The following DPY19L1 variants were observed in gnomAD, a reference collection of about 807,000 sequenced individuals.
DPY19L1 encodes the protein dpy-19 like C-mannosyltransferase 1, also known as protein C-mannosyl-transferase DPY19L1.
In DPY19L1, 35 loss-of-function variants were observed where a neutral mutation model predicts 96.9. The observed-to-expected ratio is 0.36, with a 90% CI of 0.28 to 0.48. The LOEUF is 0.48. DPY19L1 is among the 20% of genes least tolerant of loss of function. The pLI is 0.99. For missense variants in DPY19L1, 521 were observed against 777.9 expected (o/e 0.67, Z 3.93); for synonymous variants, 205 against 252.6 (o/e 0.81, Z 1.79).
At chr7:35,021,722 G>A (rs1785998716) in intron 1 of DPY19L1, among the ~76,000 whole-genome samples, 1 of 152,132 alleles carries the variant, frequency 6.6e-6, no homozygotes, top group Admixed American at 6.5e-5. Context: ...CAGGAATTCT[G>A]CCCTGCACTG....
chr7:34,953,089 G>A (rs988773284), intron 13 of DPY19L1, among the ~76,000 whole-genome samples: 9 of 152,010 alleles, frequency 5.9e-5, no homozygotes, highest in South Asian at 2.1e-4. Context: ...GATTTGGGGC[G>A]GACAGCTAAA....
Position 35,013,415 on chromosome 7 carries a change from C to G in DPY19L1, c.549+153G>C, listed in dbSNP as rs192353756. ...CCCTCTCCTCAAAATCAGTAATGAT[C>G]TTTTTTACATATTCCTCCACAAGAT... On this transcript the variant is annotated intron_variant, in intron 4 of 21. Coordinates refer to ENST00000638088, the MANE Select transcript of DPY19L1 (RefSeq NM_001366673.1). Among the ~76,000 whole-genome samples, 1,258 of 152,186 alleles carry G rather than the reference C, an allele frequency of 8.3e-3. 22 individuals are homozygous for G. Among genetic ancestry groups the G allele is most frequent in the African/African-American group, 0.029 (1,216 of 41,518 alleles).
At chr7:34,937,923 A>C in intron 21 of DPY19L1, 71 bp downstream of exon 21, 1 of 1,519,432 alleles carries the variant, frequency 6.6e-7, no homozygotes, top group Non-Finnish European at 9.0e-7. Context: ...CCACCAGCAA[A>C]GCATGTGCCA....
chr7:34,943,439 C>A (rs1342163525), intron 16 of DPY19L1, among the ~76,000 whole-genome samples: 1 of 152,204 alleles, frequency 6.6e-6, no homozygotes, highest in Non-Finnish European at 1.5e-5. Flanking sequence ...TAGTAAGTGG[C>A]AGCCAGGACT....
intron 6 of DPY19L1, among the ~76,000 whole-genome samples, chr7:35,004,939 C>T (rs1785517076): frequency 6.6e-6 from 1 of 152,058 alleles, no homozygotes; most frequent in Admixed American, 6.5e-5. Context: ...CACTCACTGC[C>T]CACTGTTTTC....
intron 7 of DPY19L1, among the ~76,000 whole-genome samples, chr7:34,977,982 A>C (rs180856248): frequency 0.013 from 1,947 of 152,244 alleles, 11 homozygotes; most frequent in Middle Eastern, 0.021. Flanking sequence ...TACTGTGTAG[A>C]TATTAATAGG....
chr7:34,941,149 G>C (rs1228324176), intron 18 of DPY19L1, among the ~76,000 whole-genome samples: 1 of 152,170 alleles, frequency 6.6e-6, no homozygotes, highest in African/African-American at 2.4e-5. Context: ...AGAGTGCGCA[G>C]TGTAGGTGCT....
chr7:34,992,901 T>A (rs1562819465), intron 6 of DPY19L1, among the ~76,000 whole-genome samples: 1 of 152,156 alleles, frequency 6.6e-6, no homozygotes, highest in Non-Finnish European at 1.5e-5. Flanking sequence ...ATGAATAATG[T>A]TGTATTCCTG....
Position 34,938,181 on chromosome 7 carries a change from G to C in DPY19L1, c.1965-62C>G, listed in dbSNP as rs1235585479. Reference sequence around the variant, plus strand: ...ACTAAAACGATACAATAACACATTTGGAAGAAAGCACTGAATTAGACTAGA... The same window carrying C: ...ACTAAAACGATACAATAACACATTTCGAAGAAAGCACTGAATTAGACTAGA... On this transcript the variant is annotated intron_variant, in intron 20 of 21. Transcript: ENST00000638088. The C allele has an allele frequency of 4.6e-6, 7 of 1,524,136 alleles. No homozygotes were observed. In the African/African-American group the frequency reaches 9.6e-5, roughly 21 times the overall value. 94.4% of individuals were successfully genotyped at this position (1,524,136 alleles called of 1,614,324 possible). A position where few individuals can be genotyped will look rare whatever the true frequency, so the allele number is the denominator to read the frequency against.
intron 20 of DPY19L1, 73 bp downstream of exon 20, chr7:34,939,203 T>C (rs1180829040): frequency 1.5e-6 from 2 of 1,320,192 alleles, no homozygotes; most frequent in Non-Finnish European, 2.1e-6. Flanking sequence ...TCCTTATTAC[T>C]TTGCTGGTGT....
intron 7 of DPY19L1, among the ~76,000 whole-genome samples, 187 bp downstream of exon 7, chr7:34,989,697 A>G (rs559436708): frequency 6.6e-6 from 1 of 152,294 alleles, no homozygotes; most frequent in East Asian, 1.9e-4. Context: ...ATTTCATCAA[A>G]TTACTAAGCC....
intron 10 of DPY19L1, 133 bp from the exon 11 acceptor site, chr7:34,958,203 T>G: frequency 1.9e-6 from 1 of 533,186 alleles, no homozygotes; most frequent in South Asian, 2.6e-5. Context: ...AACAGCCCAT[T>G]CTCCATCTCA....
intron 6 of DPY19L1, among the ~76,000 whole-genome samples, chr7:34,990,552 C>T (rs1785145127): frequency 6.6e-6 from 1 of 152,190 alleles, no homozygotes; most frequent in Non-Finnish European, 1.5e-5. Context: ...ATTTCAAAAA[C>T]TGGAATAGAA....
At chr7:34,947,453 A>C (rs753712696) in intron 15 of DPY19L1, among the ~76,000 whole-genome samples, 177 bp downstream of exon 15, 1 of 152,214 alleles carries the variant, frequency 6.6e-6, no homozygotes, top group Non-Finnish European at 1.5e-5. Context: ...AGCAGATAGA[A>C]TATTTTGAAG....
In DPY19L1 at chr7:34,929,055, T is replaced by G. The variant is rs1287393750; in HGVS notation, c.*2518A>C. ...CACTATATTTTTTTTGCCAAGCATT[T>G]TTAGAGGCTTATCTTTTTAAAGAAA... On this transcript the variant is annotated 3_prime_UTR_variant, in exon 22 of 22. Transcript: ENST00000638088. 6.6e-6 allele frequency: 1 copy of G among 152,246 alleles called. No individual in the cohort carries two copies. Among genetic ancestry groups the G allele is most frequent in the Non-Finnish European group, 1.5e-5 (1 of 68,044 alleles). The allele number at this position is 152,246 out of a possible 1,614,324, so 9.4% of individuals were successfully genotyped here.
chr7:34,972,411 T>A (rs1392040115), intron 8 of DPY19L1, among the ~76,000 whole-genome samples: 1 of 152,088 alleles, frequency 6.6e-6, no homozygotes, highest in Non-Finnish European at 1.5e-5. Flanking sequence ...TAGGGACAGA[T>A]CGGATCAGTG....
chr7:35,036,233 T>C (rs974214642), intron 1 of DPY19L1, among the ~76,000 whole-genome samples: 3 of 152,114 alleles, frequency 2.0e-5, no homozygotes, highest in South Asian at 4.1e-4. Flanking sequence ...AGTAATTAAA[T>C]AGTTCAGTAG....
chr7:34,958,448 T>C (rs1307779832), intron 10 of DPY19L1, among the ~76,000 whole-genome samples: 1 of 152,244 alleles, frequency 6.6e-6, no homozygotes, highest in Non-Finnish European at 1.5e-5. Context: ...TCTATAGATG[T>C]ATCCTAATTT....
intron 6 of DPY19L1, 147 bp from the exon 7 acceptor site, chr7:34,990,088 T>A (rs1387083781): frequency 6.1e-6 from 3 of 493,216 alleles, no homozygotes; most frequent in Admixed American, 4.3e-5. Flanking sequence ...ACAAAATAGT[T>A]TATTTCCTCC....
Sources: gnomAD v4.1 joint callset for allele counts (sites outside exome capture counted in the v4.1 genomes callset) on GRCh38, gnomAD v4.1.1 for gene constraint, MANE v1.5 for transcripts, NCBI Gene and HGNC (gene_info 2026-07-23, HGNC 2026-07-21) for gene names.